The following ARHGAP15 variants were observed in gnomAD, a reference collection of about 807,000 sequenced individuals.
ARHGAP15 encodes the protein Rho GTPase activating protein 15.
Under a neutral mutation model 63.7 loss-of-function variants are expected in ARHGAP15, and 51 were observed. The observed-to-expected ratio is 0.80, with a 90% CI of 0.64 to 1.01. ARHGAP15 has a LOEUF of 1.01. ARHGAP15 is among the 50% of genes least tolerant of loss of function. The pLI is 0.00. For synonymous variants in ARHGAP15, 191 were observed against 193.8 expected (o/e 0.99, Z 0.12); for missense variants, 560 against 564.6 (o/e 0.99, Z 0.08).
chr2:143,285,733 A>G (rs1682062433), intron 6 of ARHGAP15, among the ~76,000 whole-genome samples: 2 of 150,842 alleles, frequency 1.3e-5, no homozygotes, highest in South Asian at 4.2e-4. Context: ...ATTTCAGAAC[A>G]CTGAAAAACT....
chr2:143,736,751 G>A (rs1685760894), intron 13 of ARHGAP15, among the ~76,000 whole-genome samples: 1 of 152,202 alleles, frequency 6.6e-6, no homozygotes, highest in African/African-American at 2.4e-5. Flanking sequence ...CTGGCACACA[G>A]TAAGCCCTCA....
intron 3 of ARHGAP15, among the ~76,000 whole-genome samples, chr2:143,214,784 T>C (rs556164102): frequency 2.0e-5 from 3 of 152,336 alleles, no homozygotes; most frequent in African/African-American, 7.2e-5. Flanking sequence ...CCGTGCTATG[T>C]ATTAGGAATA....
At chr2:143,199,074 A>G (rs1479173046) in intron 2 of ARHGAP15, among the ~76,000 whole-genome samples, 1 of 152,160 alleles carries the variant, frequency 6.6e-6, no homozygotes, top group African/African-American at 2.4e-5. Flanking sequence ...GCAAGATAAA[A>G]TAAATTTCTG....
At chr2:143,365,446 G>A (rs914363466) in intron 6 of ARHGAP15, among the ~76,000 whole-genome samples, 2 of 152,208 alleles carry the variant, frequency 1.3e-5, no homozygotes, top group Admixed American at 6.5e-5. Flanking sequence ...CTGGTGGATA[G>A]TTTGTGTGAC....
In ARHGAP15 at chr2:143,246,188, C is replaced by A. The variant is rs374932044; in HGVS notation, c.385-4323C>A. ...ACATGACCTTATGTCAAGCACTTGG[C>A]CGCTCTCTGCTTGGGTTTCTTCATG... is the stretch of plus-strand genomic sequence containing the variant. On this transcript the variant is annotated intron_variant, in intron 5 of 13. Coordinates refer to ENST00000295095, the MANE Select transcript of ARHGAP15 (RefSeq NM_018460.4). 4.7e-4 allele frequency among the ~76,000 whole-genome samples: 72 copies of A among 151,924 alleles called. 1 individual carries two copies. The South Asian group carries it at 0.012, about 25-fold the overall frequency.
chr2:143,153,821 CTTCTTCTTCTTCTTCT>C (rs1689945777), intron 1 of ARHGAP15, among the ~76,000 whole-genome samples: 16 of 86,772 alleles, frequency 1.8e-4, no homozygotes, highest in Non-Finnish European at 3.3e-4. Flanking sequence ...TCTTCTTCTT[CTTCTTCTTCTTCTTCT>C]TCTTCTTCCT....
At chr2:143,594,008 GAT>G (rs1697415890) in intron 11 of ARHGAP15, among the ~76,000 whole-genome samples, 1 of 152,088 alleles carries the variant, frequency 6.6e-6, no homozygotes, top group South Asian at 2.1e-4. Flanking sequence ...AGAAATGTGT[GAT>G]GTTTAAAAAT....
intron 8 of ARHGAP15, among the ~76,000 whole-genome samples, chr2:143,449,824 T>C (rs1690321668): frequency 6.6e-6 from 1 of 152,036 alleles, no homozygotes; most frequent in Non-Finnish European, 1.5e-5. Flanking sequence ...GTCTACCTTT[T>C]TTTAATTATA....
At chr2:143,563,592 G>A (rs1351672552) in intron 11 of ARHGAP15, among the ~76,000 whole-genome samples, 2 of 152,168 alleles carry the variant, frequency 1.3e-5, no homozygotes, top group African/African-American at 4.8e-5. Flanking sequence ...TAATTCGGTT[G>A]TAGCTTTTCC....
chr2:143,338,875 T>C (rs963501160), intron 6 of ARHGAP15, among the ~76,000 whole-genome samples: 1 of 152,136 alleles, frequency 6.6e-6, no homozygotes, highest in African/African-American at 2.4e-5. Context: ...TCAATTTGTT[T>C]ATAAAATTAG....
chr2:143,561,640 T>C (rs555791971), intron 11 of ARHGAP15, among the ~76,000 whole-genome samples: 12 of 151,734 alleles, frequency 7.9e-5, no homozygotes, highest in Non-Finnish European at 1.6e-4. Context: ...CTCAGCCACC[T>C]GAGTAGCTGG....
chr2:143,134,832 T>C (rs1573991301), intron 1 of ARHGAP15, among the ~76,000 whole-genome samples: 1 of 151,948 alleles, frequency 6.6e-6, no homozygotes, highest in Non-Finnish European at 1.5e-5. Flanking sequence ...AGAGTCGGGG[T>C]TTCACGGTGT....
At chr2:143,298,251 A>G (rs1449681090) in intron 6 of ARHGAP15, among the ~76,000 whole-genome samples, 1 of 151,968 alleles carries the variant, frequency 6.6e-6, no homozygotes, top group Non-Finnish European at 1.5e-5. Flanking sequence ...AATCCACACT[A>G]TGAATTCCCA....
chr2:143,217,261 T>C (rs1692793097), intron 4 of ARHGAP15, among the ~76,000 whole-genome samples: 1 of 152,220 alleles, frequency 6.6e-6, no homozygotes, highest in South Asian at 2.1e-4. Flanking sequence ...AATGACACTC[T>C]GGGTCAACAC....
At chr2:143,413,058 G>C (rs1335451003) in intron 6 of ARHGAP15, among the ~76,000 whole-genome samples, 1 of 151,954 alleles carries the variant, frequency 6.6e-6, no homozygotes, top group Non-Finnish European at 1.5e-5. Flanking sequence ...GGATCATCTA[G>C]ATTTATTATG....
chr2:143,682,290 G>T (rs1449805035), intron 12 of ARHGAP15, among the ~76,000 whole-genome samples: 1 of 111,062 alleles, frequency 9.0e-6, no homozygotes, highest in African/African-American at 2.8e-5. Flanking sequence ...TGTAACCTTA[G>T]CAAATAAGGA....
chr2:143,177,415 C>A (rs1406097918), intron 2 of ARHGAP15, among the ~76,000 whole-genome samples: 1 of 152,226 alleles, frequency 6.6e-6, no homozygotes, highest in Non-Finnish European at 1.5e-5. Flanking sequence ...TCCCCACTCT[C>A]ACCAAGTATG....
At chr2:143,705,888 T>A (rs1426336926) in intron 13 of ARHGAP15, among the ~76,000 whole-genome samples, 1 of 152,202 alleles carries the variant, frequency 6.6e-6, no homozygotes, top group Non-Finnish European at 1.5e-5. Context: ...AATCCCAGTT[T>A]TAACAATTAA....
chr2:143,701,130 T>A (rs902516883), intron 12 of ARHGAP15, among the ~76,000 whole-genome samples: 3 of 152,120 alleles, frequency 2.0e-5, no homozygotes, highest in Non-Finnish European at 4.4e-5. Context: ...TTTGTGGTTT[T>A]AGAAGGAAAA....
Sources: gnomAD v4.1 joint callset for allele counts (sites outside exome capture counted in the v4.1 genomes callset) on GRCh38, gnomAD v4.1.1 for gene constraint, MANE v1.5 for transcripts, NCBI Gene and HGNC (gene_info 2026-07-23, HGNC 2026-07-21) for gene names.